USP48: variants seen among roughly 807,000 people sequenced by gnomAD.
USP48 encodes the protein ubiquitin carboxyl-terminal hydrolase 48.
A neutral mutation model predicts 150.7 loss-of-function variants in USP48; 43 were observed. That is an observed-to-expected ratio of 0.29 (90% CI 0.22 to 0.37). The LOEUF is 0.37. Ranked by LOEUF, USP48 falls within the 10% of genes least tolerant of loss-of-function variation. USP48 has a pLI of 1.00. For synonymous variants in USP48, 396 were observed against 425.9 expected, an observed-to-expected ratio of 0.93 and a Z score of 0.86; for missense variants, 813 against 1,249.6, an observed-to-expected ratio of 0.65 and a Z score of 5.27.
At chr1:21,718,564 CTTT>C (rs5772963) in intron 14 of USP48, among the ~76,000 whole-genome samples, 1 of 146,852 alleles carries the variant, frequency 6.8e-6, no homozygotes, top group Non-Finnish European at 1.5e-5. Context: ...AGGCCTTTTT[CTTT>C]TTTTTTTTTG....
Position 21,756,707 on chromosome 1 carries a change from A to G in USP48, c.256-5T>C. 6.2e-7 allele frequency: 1 copy of G among 1,613,032 alleles called. No homozygotes were observed. The highest frequency in any genetic ancestry group is 8.5e-7 in the Non-Finnish European group (1 of 1,179,666). ...AGTCAGGCCCACAAATGAGTTCTAC[A>G]AAAATACAAAATTCATAATTATAAA... On this transcript the variant is annotated splice_region_variant and splice_polypyrimidine_tract_variant and intron_variant, in intron 2 of 26. Coordinates refer to ENST00000308271, the MANE Select transcript of USP48 (RefSeq NM_032236.8).
chr1:21,719,122 G>A (rs1045050110), intron 14 of USP48, among the ~76,000 whole-genome samples: 22 of 150,244 alleles, frequency 1.5e-4, no homozygotes, highest in African/African-American at 3.7e-4. Flanking sequence ...AAAATTAGCC[G>A]GGCATGGTGG....
intron 11 of USP48, chr1:21,724,590 C>A (rs968860857): frequency 1.8e-5 from 3 of 163,830 alleles, no homozygotes; most frequent in Admixed American, 1.2e-4. Flanking sequence ...CCGACTATGA[C>A]CACACTTCAG....
At chr1:21,745,538 C>T (rs938171773) in intron 8 of USP48, among the ~76,000 whole-genome samples, 29 of 151,874 alleles carry the variant, frequency 1.9e-4, no homozygotes, top group Non-Finnish European at 3.7e-4. Context: ...ATAGCCTGGG[C>T]GACAGAGCCA....
chr1:21,705,925 A>C, intron 18 of USP48, 88 bp from the exon 19 acceptor site: 1 of 1,182,528 alleles, frequency 8.5e-7, no homozygotes, highest in Non-Finnish European at 1.2e-6. Context: ...AAAATCAGAG[A>C]TATATTTAAG....
At chr1:21,781,726 CCT>C (rs1322735977) in intron 1 of USP48, 7 of 152,206 alleles carry the variant, frequency 4.6e-5, no homozygotes, top group African/African-American at 1.7e-4. Context: ...AGAGTGAGAC[CCT>C]GTCTCAAAAA....
chr1:21,779,197 T>C (rs1183264085), intron 1 of USP48, among the ~76,000 whole-genome samples: 1 of 152,034 alleles, frequency 6.6e-6, no homozygotes, highest in Non-Finnish European at 1.5e-5. Flanking sequence ...ATGATTGCAC[T>C]GCAATACAGT....
At chr1:21,725,262 C>T (rs1416561220) in intron 11 of USP48, 1 of 152,140 alleles carries the variant, frequency 6.6e-6, no homozygotes, top group African/African-American at 2.4e-5. Flanking sequence ...AGAAAATGAA[C>T]CTGAACAAGT....
chr1:21,714,639 C>T (rs765279604), intron 15 of USP48, among the ~76,000 whole-genome samples: 64 of 152,088 alleles, frequency 4.2e-4, no homozygotes, highest in African/African-American at 1.1e-3. Context: ...TTGACTTTCA[C>T]GGTGCTATTA....
At chr1:21,680,428 C>A (rs1263025002) in intron 26 of USP48, among the ~76,000 whole-genome samples, 1 of 152,192 alleles carries the variant, frequency 6.6e-6, no homozygotes, top group East Asian at 1.9e-4. Context: ...AATTCTTGTG[C>A]CACTAATTCT....
rs566923070 is a variant in USP48, at chr1:21,780,777, C to T, written c.134+2047G>A. On this transcript the variant is annotated intron_variant, in intron 1 of 26. Transcript: ENST00000308271. ...TTTTTTTTTGAGACTGAGTCTCGCCCTGTTGCCCAAGCTGGAGTGCAGTGG... is the reference window on the plus strand; with the variant it reads ...TTTTTTTTTGAGACTGAGTCTCGCCTTGTTGCCCAAGCTGGAGTGCAGTGG... Among the ~76,000 whole-genome samples the T allele has an allele frequency of 1.4e-3, 207 of 146,198 alleles. 2 individuals carry two copies. Among genetic ancestry groups the T allele is most frequent in the Non-Finnish European group, 2.6e-3 (172 of 66,742 alleles).
At chr1:21,705,874 T>TTAC in intron 18 of USP48, 37 bp from the exon 19 acceptor site, 2 of 1,472,466 alleles carry the variant, frequency 1.4e-6, no homozygotes, top group Non-Finnish European at 1.9e-6. Context: ...ATATACCTAA[T>TTAC]TACTGCATGA....
rs58485760 is a variant in USP48 at position 21,744,443 on chromosome 1, C to CAA, written c.991+2622_991+2623dup. On this transcript the variant is annotated intron_variant, in intron 8 of 26. Transcript: ENST00000308271. ...GCCTGGGCGACGCAAAATTCTGTCT[C>CAA]AAAAAAAAAAACAGAAAAAGAAAAA... is the stretch of plus-strand genomic sequence containing the variant. Among the ~76,000 whole-genome samples the CAA allele has an allele frequency of 8.9e-4, 105 of 118,180 alleles. 1 individual carries two copies. Among genetic ancestry groups the CAA allele is most frequent in the African/African-American group, 2.9e-3 (94 of 32,710 alleles). 77.5% of individuals were successfully genotyped at this position (118,180 alleles called of 152,430 possible).
Position 21,689,940 on chromosome 1 carries a change from C to T in USP48, c.3009+34G>A, listed in dbSNP as rs749088932. ...CACATAGTTATGTAACATGTAAAAC[C>T]TTGAGTTCTTCAGCTAAGGAGCTGT... On this transcript the variant is annotated intron_variant, in intron 24 of 26. Transcript: ENST00000308271. 1.2e-5 allele frequency: 20 copies of T among 1,609,962 alleles called. No individual in the cohort carries two copies. In the South Asian group the frequency reaches 2.1e-4, roughly 17 times the overall value.
intron 21 of USP48, among the ~76,000 whole-genome samples, chr1:21,702,691 G>A (rs1171137484): frequency 6.6e-6 from 1 of 152,054 alleles, no homozygotes; most frequent in African/African-American, 2.4e-5. Context: ...ATAGTGTATG[G>A]TCGTTCATTC....
chr1:21,723,265 T>C (rs1158656312), intron 12 of USP48, among the ~76,000 whole-genome samples: 1 of 151,972 alleles, frequency 6.6e-6, no homozygotes, highest in African/African-American at 2.4e-5. Flanking sequence ...TTGCCTGTAA[T>C]CCCAGCACTT....
At chr1:21,687,064 G>GT (rs2097582193) in intron 25 of USP48, 127 bp downstream of exon 25, 1 of 859,990 alleles carries the variant, frequency 1.2e-6, no homozygotes, top group African/African-American at 1.7e-5. Flanking sequence ...GTATTCTACT[G>GT]TAACAATATG....
chr1:21,780,619 T>A (rs1429980913), intron 1 of USP48, among the ~76,000 whole-genome samples: 1 of 151,698 alleles, frequency 6.6e-6, no homozygotes, highest in Non-Finnish European at 1.5e-5. Context: ...CTTAAATACA[T>A]AAGTAAAGGA....
At chr1:21,747,835 A>T (rs2097798796) in intron 7 of USP48, among the ~76,000 whole-genome samples, 1 of 152,046 alleles carries the variant, frequency 6.6e-6, no homozygotes, top group South Asian at 2.1e-4. Context: ...AGCCTCCCAA[A>T]GTGCTGGGAT....
Sources: gnomAD v4.1 joint callset for allele counts (sites outside exome capture counted in the v4.1 genomes callset) on GRCh38, gnomAD v4.1.1 for gene constraint, MANE v1.5 for transcripts, NCBI Gene and HGNC (gene_info 2026-07-23, HGNC 2026-07-21) for gene names.